Variants in OPCML observed in about 807,000 individuals in gnomAD.
OPCML encodes the protein opioid binding protein/cell adhesion molecule like.
Under a neutral mutation model 37.8 loss-of-function variants are expected in OPCML, and 13 were observed. The observed-to-expected ratio is 0.34, with a 90% CI of 0.22 to 0.55. The LOEUF is 0.55. Among genes scored for constraint, OPCML ranks in the 20% least tolerant of loss-of-function variants. The pLI is 0.91. For synonymous variants in OPCML, 176 were observed against 168.8 expected, an observed-to-expected ratio of 1.04 and a Z score of -0.33; for missense variants, 341 against 435.6, an observed-to-expected ratio of 0.78 and a Z score of 1.93.
intron 1 of OPCML, among the ~76,000 whole-genome samples, chr11:132,957,277 A>C (rs998224380): frequency 7.9e-5 from 12 of 152,268 alleles, no homozygotes; most frequent in African/African-American, 2.9e-4. Flanking sequence ...ACCTCCAGGC[A>C]TTAGAAAGTC....
chr11:132,632,389 C>T (rs1247718489), intron 3 of OPCML, among the ~76,000 whole-genome samples: 1 of 151,978 alleles, frequency 6.6e-6, no homozygotes, highest in Non-Finnish European at 1.5e-5. Flanking sequence ...TACACCTTCA[C>T]AACTCTGTGA....
intron 2 of OPCML, among the ~76,000 whole-genome samples, chr11:132,879,906 G>A (rs1943163966): frequency 1.3e-5 from 2 of 152,118 alleles, no homozygotes; most frequent in South Asian, 4.1e-4. Flanking sequence ...GGGCATTTGG[G>A]CTATTCTGAA....
At chr11:133,334,351 T>C (rs1384595634) in intron 1 of OPCML, among the ~76,000 whole-genome samples, 1 of 152,174 alleles carries the variant, frequency 6.6e-6, no homozygotes, top group South Asian at 2.1e-4. Flanking sequence ...TGCAGGAACA[T>C]GGATAAAGCT....
At chr11:133,262,767 T>C (rs1003444867) in intron 1 of OPCML, among the ~76,000 whole-genome samples, 1 of 151,744 alleles carries the variant, frequency 6.6e-6, no homozygotes, top group Admixed American at 6.6e-5. Context: ...TATTAGAGGG[T>C]CATTTTGGCC....
chr11:133,292,007 C>A (rs184214439), intron 1 of OPCML, among the ~76,000 whole-genome samples: 1 of 152,266 alleles, frequency 6.6e-6, no homozygotes, highest in Non-Finnish European at 1.5e-5. Context: ...ATTTATTAGG[C>A]CCGTCCTGGA....
chr11:133,311,085 A>T (rs1479018265), intron 1 of OPCML, among the ~76,000 whole-genome samples: 2 of 152,264 alleles, frequency 1.3e-5, no homozygotes, highest in Admixed American at 6.5e-5. Context: ...ATTTAGTAGG[A>T]TATTGTACTC....
chr11:132,963,499 G>A (rs1208234849), intron 1 of OPCML, among the ~76,000 whole-genome samples: 2 of 151,732 alleles, frequency 1.3e-5, no homozygotes, highest in Non-Finnish European at 2.9e-5. Flanking sequence ...GGCTGAGGCA[G>A]GAGAATCGCT....
At chr11:132,764,656 C>T (rs1449921456) in intron 2 of OPCML, among the ~76,000 whole-genome samples, 4 of 152,186 alleles carry the variant, frequency 2.6e-5, no homozygotes, top group Admixed American at 6.5e-5. Flanking sequence ...TATTTTCTCA[C>T]TCCTCCCTGT....
At chr11:133,337,055 T>C (rs1220542960) in intron 1 of OPCML, among the ~76,000 whole-genome samples, 8 of 152,200 alleles carry the variant, frequency 5.3e-5, no homozygotes, top group Admixed American at 3.9e-4. Context: ...CATCTTATCT[T>C]AGAGGCAAAA....
chr11:132,686,471 A>G (rs1943161815), intron 2 of OPCML, among the ~76,000 whole-genome samples: 1 of 152,238 alleles, frequency 6.6e-6, no homozygotes, highest in African/African-American at 2.4e-5. Flanking sequence ...GATTGATTCA[A>G]TTGAAGAAAT....
intron 3 of OPCML, among the ~76,000 whole-genome samples, chr11:132,606,052 C>A (rs1938272806): frequency 6.6e-6 from 1 of 152,150 alleles, no homozygotes; most frequent in Admixed American, 6.5e-5. Context: ...CTTTTTCTTC[C>A]TTCCAAGTGT....
chr11:132,592,855 C>A (rs1591597693), intron 3 of OPCML, among the ~76,000 whole-genome samples: 1 of 152,306 alleles, frequency 6.6e-6, no homozygotes, highest in Admixed American at 6.5e-5. Flanking sequence ...GTAGTAAACA[C>A]ACAAAATAAT....
intron 2 of OPCML, among the ~76,000 whole-genome samples, chr11:132,919,278 G>C (rs1452788050): frequency 6.6e-6 from 1 of 152,158 alleles, no homozygotes; most frequent in Admixed American, 6.5e-5. Flanking sequence ...GTGGTTCTCA[G>C]AGAGGGGTCC....
intron 1 of OPCML, among the ~76,000 whole-genome samples, chr11:133,531,338 A>T (rs1377759597): frequency 6.6e-6 from 1 of 152,178 alleles, no homozygotes; most frequent in Non-Finnish European, 1.5e-5. Flanking sequence ...GTCACTGCAG[A>T]TTTGTTTTCC....
At chr11:132,912,143 C>A (rs1162348486) in intron 2 of OPCML, among the ~76,000 whole-genome samples, 1 of 145,568 alleles carries the variant, frequency 6.9e-6, no homozygotes, top group Non-Finnish European at 1.5e-5. Context: ...AAATAAAGTC[C>A]TTCAAGACTC....
intron 4 of OPCML, among the ~76,000 whole-genome samples, chr11:132,441,448 G>C (rs920270024): frequency 1.3e-5 from 2 of 152,060 alleles, no homozygotes. Context: ...GATTACAGGC[G>C]TGAGCCACCG....
chr11:133,009,233 T>C (rs1019044524), intron 1 of OPCML: 2 of 985,352 alleles, frequency 2.0e-6, no homozygotes, highest in African/African-American at 1.7e-5. Flanking sequence ...GAACTTCAAG[T>C]GTTGCAAGAA....
At chr11:133,248,674 G>A (rs1941031716) in intron 1 of OPCML, among the ~76,000 whole-genome samples, 1 of 152,202 alleles carries the variant, frequency 6.6e-6, no homozygotes, top group South Asian at 2.1e-4. Context: ...GTAGTCCTAA[G>A]ATGGATGGAG....
intron 1 of OPCML, among the ~76,000 whole-genome samples, chr11:133,482,327 T>G (rs1172561973): frequency 6.6e-6 from 1 of 152,094 alleles, no homozygotes; most frequent in Non-Finnish European, 1.5e-5. Flanking sequence ...GCAGACAACA[T>G]GGAGTTAAGG....
Sources: allele counts gnomAD v4.1 joint callset (sites outside exome capture counted in the v4.1 genomes callset), GRCh38; gene constraint gnomAD v4.1.1; transcripts MANE v1.5; gene names NCBI Gene and HGNC (gene_info 2026-07-23, HGNC 2026-07-21).